The following RSU1 variants were observed in gnomAD, a reference collection of about 807,000 sequenced individuals.
RSU1 encodes Ras suppressor protein 1.
In RSU1, 26 loss-of-function variants were observed where a neutral mutation model predicts 31.1. The ratio of observed to expected loss-of-function variants is 0.84; its 90% CI spans 0.61 to 1.16. RSU1 has a LOEUF of 1.16. Among genes scored for constraint, RSU1 ranks in the 50% most tolerant of loss-of-function variants. The probability of loss-of-function intolerance (pLI) is 0.00; values close to 1 mark genes in which losing one functional copy is unlikely to be tolerated. For synonymous variants in RSU1, 164 were observed against 136.3 expected (o/e 1.20, Z -1.41); for missense variants, 320 against 339.1 (o/e 0.94, Z 0.44).
chr10:16,621,935 T>C (rs1363522767), intron 8 of RSU1, among the ~76,000 whole-genome samples: 1 of 152,200 alleles, frequency 6.6e-6, no homozygotes, highest in Non-Finnish European at 1.5e-5. Context: ...TGCTATAGTT[T>C]TTTAGAAATA....
In RSU1 at chr10:16,608,616, G is replaced by A. The variant is rs1833842730; in HGVS notation, c.732-15120C>T. Among the ~76,000 whole-genome samples the A allele has an allele frequency of 2.0e-5, 3 of 152,148 alleles. 1 individual carries two copies. Among genetic ancestry groups the A allele is most frequent in the African/African-American group, 2.4e-5 (1 of 41,520 alleles). ...TCATTTCTGCTGGTGTGCAGAAAGA[G>A]CAAAGTGGTATTTAGGAGCAAGTGA... On this transcript the variant is annotated intron_variant, in intron 8 of 8. Coordinates refer to ENST00000345264, the MANE Select transcript of RSU1 (RefSeq NM_012425.4).
chr10:16,730,825 T>C (rs944391696), intron 7 of RSU1, among the ~76,000 whole-genome samples: 1 of 151,636 alleles, frequency 6.6e-6, no homozygotes, highest in African/African-American at 2.4e-5. Context: ...TAAAGCAATG[T>C]TGTTGTTTTT....
At chr10:16,694,501 C>T (rs1835633370) in intron 8 of RSU1, among the ~76,000 whole-genome samples, 1 of 152,126 alleles carries the variant, frequency 6.6e-6, no homozygotes, top group Admixed American at 6.6e-5. Context: ...TAAAGAAAAT[C>T]AGTAAAAATC....
intron 7 of RSU1, among the ~76,000 whole-genome samples, chr10:16,751,610 C>G (rs1564343965): frequency 6.6e-6 from 1 of 152,154 alleles, no homozygotes; most frequent in African/African-American, 2.4e-5. Context: ...CCTACTGTAC[C>G]CGAGGGAACA....
intron 7 of RSU1, among the ~76,000 whole-genome samples, chr10:16,742,253 A>G (rs1034400903): frequency 6.6e-6 from 1 of 152,222 alleles, no homozygotes; most frequent in Admixed American, 6.5e-5. Context: ...CAACTTAGGG[A>G]ATTAATACTC....
chr10:16,742,487 CTTTT>C (rs2131611469), intron 7 of RSU1, among the ~76,000 whole-genome samples: 2 of 150,880 alleles, frequency 1.3e-5, no homozygotes, highest in Non-Finnish European at 3.0e-5. Flanking sequence ...CTTTTTTTTT[CTTTT>C]AACATAGGAA....
chr10:16,593,593 T>C, intron 8 of RSU1, 97 bp from the exon 9 acceptor site: 5 of 946,076 alleles, frequency 5.3e-6, no homozygotes, highest in Non-Finnish European at 8.4e-6. Context: ...TCTCCAAAAA[T>C]ATTCAGTAAG....
intron 8 of RSU1, among the ~76,000 whole-genome samples, chr10:16,689,540 A>G (rs1835501117): frequency 6.6e-6 from 1 of 152,250 alleles, no homozygotes; most frequent in Non-Finnish European, 1.5e-5. Context: ...ATTAGCTTTA[A>G]TTCCACAAGT....
rs558472395 is a variant in RSU1 at position 16,609,128 on chromosome 10, G to A, written c.732-15632C>T. Among the ~76,000 whole-genome samples the A allele has an allele frequency of 8.9e-4, 135 of 152,304 alleles. 1 individual carries two copies. The highest frequency in any genetic ancestry group is 1.6e-3 in the Non-Finnish European group (107 of 68,030). ...CCTCAGACCTTCTGGGATTACAGGT[G>A]TGAGCCACGGTGCCCAGCCTAAAAT... On this transcript the variant is annotated intron_variant, in intron 8 of 8. Coordinates refer to ENST00000345264, the MANE Select transcript of RSU1 (RefSeq NM_012425.4).
chr10:16,794,929 T>C (rs1198121195), intron 2 of RSU1, among the ~76,000 whole-genome samples: 1 of 152,218 alleles, frequency 6.6e-6, no homozygotes, highest in Non-Finnish European at 1.5e-5. Flanking sequence ...AATCACTGGA[T>C]TGTTCTGGAG....
chr10:16,719,974 G>T (rs778985778), intron 7 of RSU1, among the ~76,000 whole-genome samples: 1 of 152,194 alleles, frequency 6.6e-6, no homozygotes, highest in Non-Finnish European at 1.5e-5. Context: ...AAATTGAGGT[G>T]CTTTGCAGCC....
intron 8 of RSU1, among the ~76,000 whole-genome samples, chr10:16,602,328 C>T (rs200647578): frequency 2.2e-4 from 34 of 152,300 alleles, no homozygotes; most frequent in East Asian, 1.4e-3. Context: ...ATGCAGCTAA[C>T]GTGCATTCAT....
chr10:16,683,159 T>C (rs1049965612), intron 8 of RSU1, among the ~76,000 whole-genome samples: 1 of 81,546 alleles, frequency 1.2e-5, no homozygotes, highest in South Asian at 3.7e-4. Context: ...AATGGGTGTG[T>C]GGTGTGTGTG....
chr10:16,759,005 G>C (rs563309400), intron 4 of RSU1, among the ~76,000 whole-genome samples: 4 of 152,108 alleles, frequency 2.6e-5, no homozygotes, highest in Non-Finnish European at 5.9e-5. Flanking sequence ...TAAAACCAGG[G>C]GGTTTCAGGC....
intron 8 of RSU1, among the ~76,000 whole-genome samples, chr10:16,692,992 T>C (rs766093743): frequency 3.9e-5 from 6 of 152,180 alleles, no homozygotes; most frequent in Non-Finnish European, 7.3e-5. Context: ...GGATGGAATA[T>C]TGCTCTGTCG....
chr10:16,778,210 T>C (rs1413722606), intron 3 of RSU1, among the ~76,000 whole-genome samples: 1 of 151,894 alleles, frequency 6.6e-6, no homozygotes, highest in African/African-American at 2.4e-5. Context: ...TTGCCCAGGC[T>C]GAAGGTCATG....
At chr10:16,640,719 C>A (rs1159902815) in intron 8 of RSU1, among the ~76,000 whole-genome samples, 1 of 152,228 alleles carries the variant, frequency 6.6e-6, no homozygotes, top group Non-Finnish European at 1.5e-5. Flanking sequence ...CCTTCTCATT[C>A]CTTCACCTGG....
At chr10:16,613,604 G>C (rs905680303) in intron 8 of RSU1, among the ~76,000 whole-genome samples, 2 of 152,200 alleles carry the variant, frequency 1.3e-5, no homozygotes, top group African/African-American at 4.8e-5. Flanking sequence ...ATCTGGGCTT[G>C]CCACCTTGGT....
At chr10:16,810,006 G>C (rs1352572514) in intron 2 of RSU1, among the ~76,000 whole-genome samples, 2 of 151,244 alleles carry the variant, frequency 1.3e-5, no homozygotes, top group South Asian at 2.1e-4. Context: ...GGGGGGAGGT[G>C]AATCACCTGA....
Sources: gnomAD v4.1 joint callset for allele counts (sites outside exome capture counted in the v4.1 genomes callset) on GRCh38, gnomAD v4.1.1 for gene constraint, MANE v1.5 for transcripts, NCBI Gene and HGNC (gene_info 2026-07-23, HGNC 2026-07-21) for gene names.